The following SCFD2 variants were observed in gnomAD, a reference collection of about 807,000 sequenced individuals.
SCFD2 encodes sec1 family domain-containing protein 2.
In SCFD2, 54 loss-of-function variants were observed where a neutral mutation model predicts 58.9. The ratio of observed to expected loss-of-function variants is 0.92; its 90% CI spans 0.74 to 1.15. The LOEUF is 1.15. Ranked by LOEUF, SCFD2 falls within the 50% of genes most tolerant of loss-of-function variation. The probability of loss-of-function intolerance (pLI) is 0.00; values close to 1 mark genes in which losing one functional copy is unlikely to be tolerated. For synonymous variants in SCFD2, 321 were observed against 335.9 expected (o/e 0.96, Z 0.49); for missense variants, 805 against 836.6 (o/e 0.96, Z 0.47).
rs192753061 is a variant in SCFD2 at position 53,040,773 on chromosome 4, C to T, written c.1561+104560G>A. 5.9e-5 allele frequency among the ~76,000 whole-genome samples: 9 copies of T among 152,224 alleles called. No homozygotes were observed. The East Asian group carries it at 1.2e-3, about 20-fold the overall frequency. On this transcript the variant is annotated intron_variant, in intron 5 of 8. Transcript: ENST00000401642. Reference sequence around the variant, plus strand: ...GAACTTCCAGCATTGTCGATAAGAACTGTACTTTTTTGATGGTTCATGCCT... The same window carrying T: ...GAACTTCCAGCATTGTCGATAAGAATTGTACTTTTTTGATGGTTCATGCCT...
intron 2 of SCFD2, among the ~76,000 whole-genome samples, chr4:53,331,740 T>G (rs1208903682): frequency 6.6e-6 from 1 of 151,870 alleles, no homozygotes; most frequent in Non-Finnish European, 1.5e-5. Flanking sequence ...AAGAAATAAC[T>G]AAAATCAGAG....
chr4:53,085,138 C>A lies in SCFD2; in HGVS notation c.1561+60195G>T, dbSNP rs547050409. Among the ~76,000 whole-genome samples, 113 of 152,220 alleles carry A rather than the reference C, an allele frequency of 7.4e-4. 1 individual carries two copies. Among genetic ancestry groups the A allele is most frequent in the African/African-American group, 1.2e-3 (49 of 41,540 alleles). On this transcript the variant is annotated intron_variant, in intron 5 of 8. Transcript: ENST00000401642. Reference sequence around the variant, plus strand: ...GATATAATCTTATATTTGGAAAAAACCAAAGACTCCACAAAAACTATTAGG... The same window carrying A: ...GATATAATCTTATATTTGGAAAAAAACAAAGACTCCACAAAAACTATTAGG...
intron 4 of SCFD2, 132 bp downstream of exon 4, chr4:53,273,694 C>CA: frequency 1.3e-6 from 1 of 798,174 alleles, no homozygotes; most frequent in South Asian, 3.3e-5. Context: ...CTAGGGGGCA[C>CA]TTAGAGAATA....
chr4:53,118,317 G>A (rs891802834), intron 5 of SCFD2, among the ~76,000 whole-genome samples: 14 of 152,134 alleles, frequency 9.2e-5, no homozygotes, highest in African/African-American at 3.1e-4. Flanking sequence ...CAAGCAGTTC[G>A]TGGTCTCCTG....
At chr4:53,353,982 C>T (rs2149165795) in intron 1 of SCFD2, among the ~76,000 whole-genome samples, 1 of 152,378 alleles carries the variant, frequency 6.6e-6, no homozygotes, top group African/African-American at 2.4e-5. Context: ...TAAAAGTTCT[C>T]TAAGTCCCCA....
intron 4 of SCFD2, among the ~76,000 whole-genome samples, chr4:53,184,814 G>A (rs1016825561): frequency 1.3e-5 from 2 of 151,964 alleles, no homozygotes; most frequent in Non-Finnish European, 2.9e-5. Flanking sequence ...GTAGAAGCTT[G>A]GAAACTTCTT....
intron 5 of SCFD2, among the ~76,000 whole-genome samples, chr4:53,031,828 G>A (rs1348829109): frequency 1.3e-5 from 2 of 152,186 alleles, no homozygotes; most frequent in Admixed American, 1.3e-4. Flanking sequence ...ACCTGAAAGT[G>A]ACGAGGAGAA....
chr4:53,227,212 T>C (rs1211844396), intron 4 of SCFD2, among the ~76,000 whole-genome samples: 1 of 152,146 alleles, frequency 6.6e-6, no homozygotes, highest in Non-Finnish European at 1.5e-5. Flanking sequence ...AGGACACCAA[T>C]TATAATTTCA....
intron 4 of SCFD2, among the ~76,000 whole-genome samples, chr4:53,180,272 G>C (rs1238759564): frequency 6.6e-6 from 1 of 152,136 alleles, no homozygotes; most frequent in Non-Finnish European, 1.5e-5. Flanking sequence ...CTCAGCAAAA[G>C]TAAAAGAACA....
At chr4:53,262,548 T>C (rs1730860798) in intron 4 of SCFD2, among the ~76,000 whole-genome samples, 1 of 152,234 alleles carries the variant, frequency 6.6e-6, no homozygotes. Flanking sequence ...TGGCTGATAA[T>C]TGTTCTGTTT....
rs146368658 is a variant in SCFD2 at position 53,260,809 on chromosome 4, A to G, written c.1311+13017T>C. ...AATAGTGTCAATAGGATTGATACCA[A>G]TTCTTTGAATGTCTGATAAAATTCA... On this transcript the variant is annotated intron_variant, in intron 4 of 8. Coordinates refer to ENST00000401642, the MANE Select transcript of SCFD2 (RefSeq NM_152540.4). Among the ~76,000 whole-genome samples the G allele has an allele frequency of 2.0e-3, 309 of 151,958 alleles. 1 individual carries two copies. Among genetic ancestry groups the G allele is most frequent in the African/African-American group, 7.1e-3 (296 of 41,542 alleles).
At chr4:53,209,126 AG>A (rs1728525803) in intron 4 of SCFD2, among the ~76,000 whole-genome samples, 1 of 152,120 alleles carries the variant, frequency 6.6e-6, no homozygotes, top group African/African-American at 2.4e-5. Flanking sequence ...CATCCTATGG[AG>A]GTTACATGAT....
chr4:52,874,394 T>C (rs1297010321), intron 8 of SCFD2, among the ~76,000 whole-genome samples: 2 of 152,216 alleles, frequency 1.3e-5, no homozygotes, highest in Admixed American at 6.5e-5. Flanking sequence ...TAAATTGAAC[T>C]GGATCATATT....
chr4:53,179,630 G>A (rs1727472385), intron 4 of SCFD2, among the ~76,000 whole-genome samples: 1 of 152,112 alleles, frequency 6.6e-6, no homozygotes, highest in Non-Finnish European at 1.5e-5. Context: ...ATAATGACAG[G>A]ATCAAATTCA....
chr4:53,352,475 C>A, intron 2 of SCFD2, 123 bp downstream of exon 2: 2 of 669,478 alleles, frequency 3.0e-6, no homozygotes, highest in South Asian at 3.0e-5. Context: ...TAAATGCTAC[C>A]CACTGTGAAA....
intron 5 of SCFD2, among the ~76,000 whole-genome samples, chr4:53,128,226 C>T (rs536346551): frequency 7.9e-5 from 12 of 152,216 alleles, no homozygotes; most frequent in African/African-American, 2.6e-4. Context: ...TTTACGTGCA[C>T]ATACGCCATC....
intron 4 of SCFD2, among the ~76,000 whole-genome samples, chr4:53,177,581 G>A (rs188145635): frequency 3.3e-5 from 5 of 152,338 alleles, no homozygotes; most frequent in South Asian, 2.1e-4. Flanking sequence ...AGCTCCCAGC[G>A]TGAGCAATGC....
intron 4 of SCFD2, among the ~76,000 whole-genome samples, chr4:53,213,690 T>C (rs1170355336): frequency 2.6e-5 from 4 of 152,112 alleles, no homozygotes; most frequent in Non-Finnish European, 5.9e-5. Flanking sequence ...AGTTCTAGGG[T>C]ACATGTGCAA....
At chr4:53,300,363 TA>T (rs1732233355) in intron 3 of SCFD2, among the ~76,000 whole-genome samples, 1 of 152,126 alleles carries the variant, frequency 6.6e-6, no homozygotes, top group African/African-American at 2.4e-5. Context: ...GGTCATTACA[TA>T]AGGCTAAAGG....
Sources: gnomAD v4.1 joint callset for allele counts (sites outside exome capture counted in the v4.1 genomes callset) on GRCh38, gnomAD v4.1.1 for gene constraint, MANE v1.5 for transcripts, NCBI Gene and HGNC (gene_info 2026-07-23, HGNC 2026-07-21) for gene names.